BCL2L13: variants seen among roughly 807,000 people sequenced by gnomAD.
BCL2L13 encodes the protein BCL2 like 13, also known as bcl-2-like protein 13.
In BCL2L13, 13 loss-of-function variants were observed where a neutral mutation model predicts 25.8. The observed-to-expected ratio is 0.50, with a 90% CI of 0.33 to 0.80. BCL2L13 has a LOEUF of 0.80. BCL2L13 is among the 30% of genes least tolerant of loss of function. The pLI, the probability that BCL2L13 is intolerant of heterozygous loss-of-function variation, is 0.02. For missense variants in BCL2L13, 504 were observed against 574.9 expected (o/e 0.88, Z 1.26); for synonymous variants, 244 against 230.3 (o/e 1.06, Z -0.54).
intron 1 of BCL2L13, among the ~76,000 whole-genome samples, chr22:17,641,760 T>C (rs1023234544): frequency 7.4e-4 from 113 of 151,968 alleles, no homozygotes; most frequent in African/African-American, 2.4e-3. Flanking sequence ...GATTTGCCTA[T>C]TCTGGAGATT....
At chr22:17,684,987 G>A (rs999509960) in intron 3 of BCL2L13, among the ~76,000 whole-genome samples, 4 of 151,974 alleles carry the variant, frequency 2.6e-5, no homozygotes, top group Non-Finnish European at 5.9e-5. Context: ...TGCCCGCCTT[G>A]GCCTCCCAAA....
intron 1 of BCL2L13, among the ~76,000 whole-genome samples, chr22:17,631,694 ATATATATATATATTTTTTTTTTTT>A (rs2058028482): frequency 4.7e-4 from 18 of 38,550 alleles, no homozygotes; most frequent in Admixed American, 1.6e-3. Flanking sequence ...ATATATATAT[ATATATATATATATTTTTTTTTTTT>A]TTTTTTTTTT....
chr22:17,725,426 T>C (rs533391356), intron 6 of BCL2L13, among the ~76,000 whole-genome samples: 1 of 152,286 alleles, frequency 6.6e-6, no homozygotes, highest in South Asian at 2.1e-4. Context: ...CCTGCCAAAA[T>C]CTTACCCATT....
intron 2 of BCL2L13, 40 bp from the exon 3 acceptor site, chr22:17,683,174 C>G: frequency 1.6e-5 from 18 of 1,093,608 alleles, no homozygotes; most frequent in Non-Finnish European, 2.2e-5. Flanking sequence ...AATGGTTTCT[C>G]TCTCCCTCTT....
chr22:17,691,334 G>A (rs1278019313), intron 4 of BCL2L13, among the ~76,000 whole-genome samples: 1 of 139,772 alleles, frequency 7.2e-6, no homozygotes, highest in Admixed American at 7.9e-5. Flanking sequence ...GAAGTGAAAG[G>A]TGCAGACTTT....
At chr22:17,637,372 A>G (rs2058128641), upstream of BCL2L13, among the ~76,000 whole-genome samples, 1 of 147,304 alleles carries the variant, frequency 6.8e-6, no homozygotes, top group Admixed American at 6.9e-5. Flanking sequence ...GCGCCCCTGC[A>G]CTCCAGCCTG....
chr22:17,670,068 A>G (rs762204401), intron 2 of BCL2L13, among the ~76,000 whole-genome samples: 1 of 152,154 alleles, frequency 6.6e-6, no homozygotes, highest in Non-Finnish European at 1.5e-5. Context: ...TCAAAAATCA[A>G]TTGACCATAT....
chr22:17,681,049 C>T (rs932300807), intron 2 of BCL2L13, among the ~76,000 whole-genome samples: 5 of 152,126 alleles, frequency 3.3e-5, no homozygotes, highest in African/African-American at 4.8e-5. Context: ...CGCGATTACT[C>T]GTCTTGATCT....
At chr22:17,695,921 CTA>C (rs2060251385) in intron 4 of BCL2L13, 2 of 401,972 alleles carry the variant, frequency 5.0e-6, no homozygotes, top group Non-Finnish European at 9.3e-6. Context: ...ATTTATCTTG[CTA>C]TGTTATTAAC....
chr22:17,729,620 G>A lies in BCL2L13; in HGVS notation c.*2086G>A, dbSNP rs2061370128. 6.6e-6 allele frequency: 1 copy of A among 152,234 alleles called. No homozygotes were observed. Among genetic ancestry groups the A allele is most frequent in the Non-Finnish European group, 1.5e-5 (1 of 68,046 alleles). 9.4% of individuals were successfully genotyped at this position (152,234 alleles called of 1,614,324 possible). A position where few individuals can be genotyped will look rare whatever the true frequency, so the allele number is the denominator to read the frequency against. The stretch of plus-strand genomic sequence containing the variant: ...GTTCATCTCTGAGCTGCTGAAAGGA[G>A]GTGTGAGGCTTAGGAAATTGGAGCC... On this transcript the variant is annotated 3_prime_UTR_variant, in exon 7 of 7. Coordinates refer to ENST00000317582, the MANE Select transcript of BCL2L13 (RefSeq NM_015367.4).
In BCL2L13 at chr22:17,714,150, G is replaced by A. The variant is rs1011670755; in HGVS notation, c.600+11764G>A. Reference sequence around the variant, plus strand: ...CTACTAAAAATACAAAAAGTTAGCCGGGCGTGGTGGCGGGCACCTGTAGTC... The same window carrying A: ...CTACTAAAAATACAAAAAGTTAGCCAGGCGTGGTGGCGGGCACCTGTAGTC... On this transcript the variant is annotated intron_variant, in intron 6 of 6. Transcript: ENST00000317582. Among the ~76,000 whole-genome samples the A allele has an allele frequency of 7.2e-5, 11 of 152,116 alleles. 1 individual carries two copies. In the South Asian group the frequency reaches 1.7e-3, roughly 23 times the overall value.
chr22:17,721,955 C>T (rs1159248562), intron 6 of BCL2L13, among the ~76,000 whole-genome samples: 1 of 152,082 alleles, frequency 6.6e-6, no homozygotes, highest in African/African-American at 2.4e-5. Flanking sequence ...CCACCGCGCC[C>T]GGCCAAGAAA....
intron 2 of BCL2L13, among the ~76,000 whole-genome samples, chr22:17,657,158 A>G (rs1386084578): frequency 1.3e-5 from 2 of 152,136 alleles, no homozygotes; most frequent in Non-Finnish European, 2.9e-5. Context: ...TGGTGTTTCA[A>G]ACTTAAACAC....
chr22:17,646,712 CTGTCTTT>C (rs1298086198), intron 1 of BCL2L13, among the ~76,000 whole-genome samples: 2 of 92,500 alleles, frequency 2.2e-5, no homozygotes, highest in Non-Finnish European at 3.9e-5. Context: ...CTTGAAATAT[CTGTCTTT>C]TTTTTTTTTT....
chr22:17,726,506 C>CT (rs2061302659), intron 6 of BCL2L13, among the ~76,000 whole-genome samples, 171 bp from the exon 7 acceptor site: 1 of 152,118 alleles, frequency 6.6e-6, no homozygotes, highest in African/African-American at 2.4e-5. Flanking sequence ...GTCAAAAATT[C>CT]TTTCTCTGCA....
At position 17,680,537 on chromosome 22, in the gene BCL2L13, AAAAAG is replaced by A. The variant is rs1229258718; in HGVS notation, c.122-2672_122-2668del. 9.5e-3 allele frequency among the ~76,000 whole-genome samples: 706 copies of A among 74,272 alleles called. 79 individuals are homozygous for A. The highest frequency in any genetic ancestry group is 0.02 in the African/African-American group (337 of 17,200). 48.7% of individuals were successfully genotyped at this position (74,272 alleles called of 152,430 possible). A position where few individuals can be genotyped will look rare whatever the true frequency, so the allele number is the denominator to read the frequency against. On this transcript the variant is annotated intron_variant, in intron 2 of 6. Transcript: ENST00000317582. Reference sequence around the variant, plus strand: ...AAAAAAAAAAAAAAAAAAAAAAAAAAAAAAGAAAAAAAGACTCATACCTAGAAAGG... The same window carrying A: ...AAAAAAAAAAAAAAAAAAAAAAAAAAAAAAAAAGACTCATACCTAGAAAGG...
intron 2 of BCL2L13, among the ~76,000 whole-genome samples, chr22:17,668,049 C>T (rs370177692): frequency 3.8e-4 from 53 of 137,812 alleles, no homozygotes; most frequent in Non-Finnish European, 6.5e-4. Context: ...CTCGCTCTGT[C>T]GCCCAGGCTG....
At chr22:17,666,476 T>C (rs897853714) in intron 2 of BCL2L13, among the ~76,000 whole-genome samples, 2 of 152,046 alleles carry the variant, frequency 1.3e-5, no homozygotes. Flanking sequence ...CATCCCCACC[T>C]CCTGCTGTCC....
chr22:17,715,684 A>G (rs1034510981), intron 6 of BCL2L13, among the ~76,000 whole-genome samples: 41 of 152,188 alleles, frequency 2.7e-4, no homozygotes, highest in African/African-American at 9.6e-4. Flanking sequence ...GGAGTAACAG[A>G]TAAATCCTAT....
Sources: gnomAD v4.1 joint callset for allele counts (sites outside exome capture counted in the v4.1 genomes callset) on GRCh38, gnomAD v4.1.1 for gene constraint, MANE v1.5 for transcripts, NCBI Gene and HGNC (gene_info 2026-07-23, HGNC 2026-07-21) for gene names.